RHPN2: variants seen among roughly 807,000 people sequenced by gnomAD.
The protein encoded by RHPN2 is rhophilin Rho GTPase binding protein 2, also known as rhophilin-2.
In RHPN2, 40 loss-of-function variants were observed where a neutral mutation model predicts 79.0. The observed-to-expected ratio is 0.51, with a 90% CI of 0.39 to 0.66. The LOEUF (loss-of-function observed/expected upper bound fraction) is 0.66. Among genes scored for constraint, RHPN2 ranks in the 30% least tolerant of loss-of-function variants. RHPN2 has a pLI of 0.00. For missense variants in RHPN2, 686 were observed against 883.5 expected (o/e 0.78, Z 2.83); for synonymous variants, 285 against 363.5 (o/e 0.78, Z 2.46).
chr19:33,002,612 G>A (rs1227047832), intron 8 of RHPN2, among the ~76,000 whole-genome samples: 1 of 152,134 alleles, frequency 6.6e-6, no homozygotes, highest in Non-Finnish European at 1.5e-5. Context: ...TGGTTTTTAG[G>A]TTAAGCTGCA....
In RHPN2 at chr19:33,002,419, C is replaced by A; in HGVS notation, c.949-16G>T. ...CCTCTCCCACCTGAAATAGAAGGGA[C>A]ACTGGGAAGGGGCAGCCCGGCACAA... On this transcript the variant is annotated splice_polypyrimidine_tract_variant and intron_variant, in intron 8 of 14. Coordinates refer to ENST00000254260, the MANE Select transcript of RHPN2 (RefSeq NM_033103.5). 6.2e-7 allele frequency: 1 copy of A among 1,613,810 alleles called. No homozygotes were observed. The highest frequency in any genetic ancestry group is 2.2e-5 in the East Asian group (1 of 44,874).
chr19:33,029,491 A>C (rs1971993409), intron 2 of RHPN2, among the ~76,000 whole-genome samples: 2 of 147,326 alleles, frequency 1.4e-5, no homozygotes, highest in Non-Finnish European at 3.0e-5. Flanking sequence ...GCACCACTGC[A>C]CTCCAGCCTG....
chr19:33,051,951 A>G (rs1463481275), intron 1 of RHPN2, among the ~76,000 whole-genome samples: 1 of 148,932 alleles, frequency 6.7e-6, no homozygotes, highest in Admixed American at 6.8e-5. Flanking sequence ...AGAACTTGCC[A>G]CTGCCCTCCT....
At chr19:32,997,595 T>G (rs1047715332) in intron 10 of RHPN2, among the ~76,000 whole-genome samples, 1 of 151,990 alleles carries the variant, frequency 6.6e-6, no homozygotes, top group Non-Finnish European at 1.5e-5. Flanking sequence ...GTTCAAGCAA[T>G]TCTCCCACCT....
At chr19:33,052,049 C>T (rs922815575) in intron 1 of RHPN2, among the ~76,000 whole-genome samples, 11 of 151,200 alleles carry the variant, frequency 7.3e-5, no homozygotes, top group Non-Finnish European at 1.5e-4. Context: ...AAAAACTGAC[C>T]GTGCTGGCAC....
intron 1 of RHPN2, among the ~76,000 whole-genome samples, chr19:33,058,765 C>T (rs939487361): frequency 2.6e-5 from 4 of 151,906 alleles, no homozygotes; most frequent in African/African-American, 7.3e-5. Flanking sequence ...GGCGACAGAG[C>T]GAGACTCCGT....
intron 1 of RHPN2, among the ~76,000 whole-genome samples, chr19:33,048,174 G>A (rs1444334365): frequency 6.6e-6 from 1 of 151,752 alleles, no homozygotes; most frequent in Non-Finnish European, 1.5e-5. Flanking sequence ...TCCTGCCTCA[G>A]CCTGCTGAGT....
chr19:33,022,458 C>A (rs1465521767), intron 3 of RHPN2, among the ~76,000 whole-genome samples: 1 of 152,144 alleles, frequency 6.6e-6, no homozygotes, highest in Admixed American at 6.6e-5. Flanking sequence ...TTCATAGGGG[C>A]CTCTTCTTTG....
At chr19:33,057,384 G>C (rs1423016316) in intron 1 of RHPN2, among the ~76,000 whole-genome samples, 1 of 151,844 alleles carries the variant, frequency 6.6e-6, no homozygotes, top group Non-Finnish European at 1.5e-5. Flanking sequence ...AAAAGTGAGA[G>C]ACATGATTTT....
At chr19:33,022,997 A>T (rs1306087672) in intron 3 of RHPN2, among the ~76,000 whole-genome samples, 2 of 152,258 alleles carry the variant, frequency 1.3e-5, no homozygotes, top group South Asian at 4.1e-4. Context: ...CCCAGCCCCA[A>T]TGTGGCAATG....
chr19:33,064,654 G>C (rs552067943), intron 1 of RHPN2, 130 bp downstream of exon 1: 6 of 820,450 alleles, frequency 7.3e-6, no homozygotes, highest in East Asian at 3.8e-5. Flanking sequence ...GGCCAGCGCC[G>C]GCCCAGTGCG....
intron 4 of RHPN2, among the ~76,000 whole-genome samples, chr19:33,016,208 G>A (rs1002224652): frequency 1.3e-5 from 2 of 151,382 alleles, no homozygotes; most frequent in East Asian, 1.9e-4. Flanking sequence ...TCATTGATTC[G>A]AAATTTTTTT....
chr19:33,002,997 A>G lies in RHPN2; in HGVS notation c.764T>C (p.Val255Ala), dbSNP rs770150141. The change falls in exon 8 of 15, where the codon GTT (valine) becomes GCT (alanine). Residue 255 changes from valine to alanine, a missense_variant. By Grantham distance (64) the Val-to-Ala change is moderately conservative. Coordinates refer to ENST00000254260, the MANE Select transcript of RHPN2 (RefSeq NM_033103.5). ...AIDAFQRAAG[V>A]LNYLKDTFTH... ...AAATGTGTCTTTCAGGTAATTTAAA[A>G]CCCCTAAAAGTGGAAAATGTTTTGC... The G allele has an allele frequency of 2.5e-5, 40 of 1,613,306 alleles. No individual in the cohort carries two copies. In the Middle Eastern group the frequency reaches 3.8e-3, roughly 153 times the overall value.
At chr19:33,036,670 G>T (rs983816904) in intron 2 of RHPN2, among the ~76,000 whole-genome samples, 1 of 152,200 alleles carries the variant, frequency 6.6e-6, no homozygotes, top group Non-Finnish European at 1.5e-5. Context: ...AGGGCTGCCC[G>T]CGGTGCTTGC....
intron 6 of RHPN2, among the ~76,000 whole-genome samples, chr19:33,009,942 C>A (rs1451232466): frequency 6.6e-6 from 1 of 151,890 alleles, no homozygotes; most frequent in Non-Finnish European, 1.5e-5. Context: ...CCATGCCCAG[C>A]TAATTTTTGT....
intron 1 of RHPN2, among the ~76,000 whole-genome samples, chr19:33,046,180 T>C (rs1972141421): frequency 6.6e-6 from 1 of 152,242 alleles, no homozygotes; most frequent in African/African-American, 2.4e-5. Flanking sequence ...TACAAGGTTT[T>C]ATATGGATAT....
intron 9 of RHPN2, 118 bp from the exon 10 acceptor site, chr19:32,999,823 A>C: frequency 3.0e-6 from 4 of 1,354,952 alleles, no homozygotes; most frequent in Non-Finnish European, 4.1e-6. Flanking sequence ...GGCATTTGGG[A>C]TCATGGGTCT....
intron 2 of RHPN2, among the ~76,000 whole-genome samples, chr19:33,029,706 C>T (rs1382254202): frequency 6.6e-6 from 1 of 152,066 alleles, no homozygotes; most frequent in African/African-American, 2.4e-5. Context: ...TCCCTAAAAC[C>T]ACCCCCAAGT....
intron 14 of RHPN2, 86 bp from the exon 15 acceptor site, chr19:32,980,342 T>C: frequency 6.7e-7 from 1 of 1,497,150 alleles, no homozygotes; most frequent in Non-Finnish European, 9.3e-7. Flanking sequence ...GCGCGGTGGC[T>C]CACACCTGTA....
Sources: allele counts gnomAD v4.1 joint callset (sites outside exome capture counted in the v4.1 genomes callset), GRCh38; gene constraint gnomAD v4.1.1; transcripts MANE v1.5; gene names NCBI Gene and HGNC (gene_info 2026-07-23, HGNC 2026-07-21).